KIF6: variants seen among roughly 807,000 people sequenced by gnomAD.
The protein encoded by KIF6 is kinesin family member 6, also known as kinesin-like protein KIF6.
In KIF6, 106 loss-of-function variants were observed where a neutral mutation model predicts 112.7. The ratio of observed to expected loss-of-function variants is 0.94; its 90% CI spans 0.80 to 1.11. The LOEUF (loss-of-function observed/expected upper bound fraction) is 1.11. Ranked by LOEUF, KIF6 falls within the 50% of genes least tolerant of loss-of-function variation. KIF6 has a pLI of 0.00. For missense variants in KIF6, 929 were observed against 964.0 expected (o/e 0.96, Z 0.48); for synonymous variants, 339 against 339.9 (o/e 1.00, Z 0.03).
chr6:39,410,043 A>G (rs1025063772), intron 15 of KIF6, among the ~76,000 whole-genome samples: 9 of 152,244 alleles, frequency 5.9e-5, no homozygotes, highest in Admixed American at 4.6e-4. Flanking sequence ...TCCTGCTGGT[A>G]TATTTAAAGA....
chr6:39,372,786 T>C (rs1405020834), intron 16 of KIF6, among the ~76,000 whole-genome samples: 1 of 152,216 alleles, frequency 6.6e-6, no homozygotes, highest in African/African-American at 2.4e-5. Context: ...AACAGCTCCC[T>C]AATTATTTCT....
At chr6:39,398,989 G>A (rs1376208930) in intron 15 of KIF6, among the ~76,000 whole-genome samples, 1 of 152,158 alleles carries the variant, frequency 6.6e-6, no homozygotes, top group Non-Finnish European at 1.5e-5. Context: ...AAGGCCTTAA[G>A]AGAAAAAAGA....
chr6:39,612,868 T>C (rs189634538), intron 6 of KIF6, among the ~76,000 whole-genome samples: 7 of 152,328 alleles, frequency 4.6e-5, no homozygotes, highest in Admixed American at 4.6e-4. Flanking sequence ...TTGTCATTAA[T>C]GTACAAACCA....
chr6:39,544,520 T>G, intron 12 of KIF6, 35 bp downstream of exon 12: 2 of 1,601,250 alleles, frequency 1.2e-6, no homozygotes, highest in East Asian at 2.2e-5. Flanking sequence ...CAAACCAGGA[T>G]AGAGGAAGTT....
intron 11 of KIF6, 65 bp from the exon 12 acceptor site, chr6:39,544,758 C>G (rs1778978348): frequency 1.0e-6 from 1 of 1,003,732 alleles, no homozygotes; most frequent in Admixed American, 2.4e-5. Flanking sequence ...TTCTTTGACT[C>G]TTTTTCCTTT....
At chr6:39,522,569 C>A (rs1777458273) in intron 13 of KIF6, among the ~76,000 whole-genome samples, 2 of 152,194 alleles carry the variant, frequency 1.3e-5, no homozygotes, top group Admixed American at 1.3e-4. Context: ...AGTGAGCTTT[C>A]TGCCTGCCCC....
At chr6:39,545,763 T>G in intron 10 of KIF6, 75 bp from the exon 11 acceptor site, 1 of 885,880 alleles carries the variant, frequency 1.1e-6, no homozygotes, top group Non-Finnish European at 1.9e-6. Context: ...ATCTAGTTGG[T>G]TAACATTTGA....
At chr6:39,478,035 T>C (rs753797106) in intron 13 of KIF6, among the ~76,000 whole-genome samples, 58 of 152,298 alleles carry the variant, frequency 3.8e-4, no homozygotes, top group Non-Finnish European at 5.6e-4. Flanking sequence ...CATGATTTTA[T>C]TATTTTTTAA....
At chr6:39,637,320 T>C (rs959738910) in intron 4 of KIF6, among the ~76,000 whole-genome samples, 2 of 152,038 alleles carry the variant, frequency 1.3e-5, no homozygotes, top group Non-Finnish European at 2.9e-5. Flanking sequence ...TAAAATTCAC[T>C]GAGCTATGTG....
At chr6:39,455,418 G>GA (rs1276250665) in intron 13 of KIF6, among the ~76,000 whole-genome samples, 2 of 151,612 alleles carry the variant, frequency 1.3e-5, no homozygotes, top group African/African-American at 2.4e-5. Flanking sequence ...CAAAGATGGG[G>GA]AAAAAACAGA....
chr6:39,709,894 A>C (rs1289737297), intron 3 of KIF6, among the ~76,000 whole-genome samples: 2 of 152,088 alleles, frequency 1.3e-5, no homozygotes, highest in Non-Finnish European at 2.9e-5. Flanking sequence ...AATTCTTAAA[A>C]ATTTGATTTT....
At chr6:39,624,745 A>C (rs1213585325) in intron 5 of KIF6, among the ~76,000 whole-genome samples, 3 of 152,184 alleles carry the variant, frequency 2.0e-5, no homozygotes, top group Non-Finnish European at 4.4e-5. Flanking sequence ...TGTCACTAAA[A>C]GCTCTAAATA....
chr6:39,485,261 GAAGA>G (rs1334803128), intron 13 of KIF6, among the ~76,000 whole-genome samples: 1 of 152,160 alleles, frequency 6.6e-6, no homozygotes, highest in African/African-American at 2.4e-5. Flanking sequence ...ATTAAGGAAA[GAAGA>G]AAGCTCTGGA....
At chr6:39,547,046 G>A (rs1295181135) in intron 10 of KIF6, among the ~76,000 whole-genome samples, 3 of 152,142 alleles carry the variant, frequency 2.0e-5, no homozygotes, top group Non-Finnish European at 4.4e-5. Flanking sequence ...TAATAAGGAA[G>A]GTTTAAGGAT....
chr6:39,360,652 G>C, intron 17 of KIF6, 122 bp from the exon 18 acceptor site: 1 of 1,126,718 alleles, frequency 8.9e-7, no homozygotes, highest in Non-Finnish European at 1.3e-6. Flanking sequence ...GGTGCTCAGG[G>C]ACTGGGACCC....
At chr6:39,533,316 C>T (rs111870258) in intron 13 of KIF6, among the ~76,000 whole-genome samples, 1,882 of 152,334 alleles carry the variant, frequency 0.012, 48 homozygotes, top group African/African-American at 0.043. Context: ...CCTAATACTG[C>T]GCTTTTCTGA....
intron 6 of KIF6, among the ~76,000 whole-genome samples, chr6:39,610,718 T>C (rs1460342208): frequency 6.6e-6 from 1 of 152,182 alleles, no homozygotes; most frequent in Non-Finnish European, 1.5e-5. Flanking sequence ...ATATTGGGTA[T>C]ACTTTTAAAA....
intron 10 of KIF6, among the ~76,000 whole-genome samples, chr6:39,556,612 G>C (rs1312635100): frequency 6.6e-6 from 1 of 152,142 alleles, no homozygotes; most frequent in African/African-American, 2.4e-5. Context: ...TCAAGTCTGA[G>C]GATCAAGGAA....
At chr6:39,614,138 T>G (rs1045002992) in intron 5 of KIF6, among the ~76,000 whole-genome samples, 1 of 152,166 alleles carries the variant, frequency 6.6e-6, no homozygotes, top group African/African-American at 2.4e-5. Context: ...GGAACAAAAT[T>G]TGGCTAAACT....
Sources: gnomAD v4.1 joint callset for allele counts (sites outside exome capture counted in the v4.1 genomes callset) on GRCh38, gnomAD v4.1.1 for gene constraint, MANE v1.5 for transcripts, NCBI Gene and HGNC (gene_info 2026-07-23, HGNC 2026-07-21) for gene names.